The following DPEP2 variants were observed in gnomAD, a reference collection of about 807,000 sequenced individuals.
DPEP2 encodes dipeptidase 2.
DPEP2 carries 45 observed loss-of-function variants against 51.8 expected under a neutral mutation model. The ratio of observed to expected loss-of-function variants is 0.87; its 90% CI spans 0.68 to 1.11. The LOEUF (loss-of-function observed/expected upper bound fraction) is 1.11, where lower values mean the gene tolerates loss of function less well. Among genes scored for constraint, DPEP2 ranks in the 50% most tolerant of loss-of-function variants. The pLI is 0.00. For missense variants in DPEP2, 604 were observed against 631.9 expected (o/e 0.96, Z 0.47); for synonymous variants, 255 against 262.7 (o/e 0.97, Z 0.28).
At chr16:67,994,882 C>A (rs1009625592) in intron 1 of DPEP2, 4 of 985,502 alleles carry the variant, frequency 4.1e-6, no homozygotes, top group Non-Finnish European at 4.8e-6. Flanking sequence ...ACTGTCACGT[C>A]TACTGCTGCC....
rs1204461530 is a variant in DPEP2, at chr16:67,991,448, G to C, written c.663-264C>G. ...GCAGTGGTGCTGTCGTGCCATCTCAGCTCACTGAAACCTGCACCTCCTGGG... is the reference window on the plus strand; with the variant it reads ...GCAGTGGTGCTGTCGTGCCATCTCACCTCACTGAAACCTGCACCTCCTGGG... On this transcript the variant is annotated intron_variant, in intron 5 of 10. Coordinates refer to ENST00000393847, the MANE Select transcript of DPEP2 (RefSeq NM_022355.4). The surrounding 1 kb of genome is among the most constrained non-coding windows in gnomAD (Gnocchi z 5.1). Among the ~76,000 whole-genome samples the C allele has an allele frequency of 2.7e-5, 4 of 150,226 alleles. No homozygotes were observed. Among genetic ancestry groups the C allele is most frequent in the Middle Eastern group, 3.4e-3 (1 of 290 alleles).
rs2031930714 is a variant in DPEP2, at chr16:67,990,058, G to A, written c.983C>T (p.Ser328Phe). The A allele has an allele frequency of 9.9e-6, 16 of 1,614,150 alleles. No homozygotes were observed. Among genetic ancestry groups the A allele is most frequent in the Non-Finnish European group, 1.4e-5 (16 of 1,180,010 alleles). The part of the protein sequence containing the change: ...VIQCNPSANV[S>F]TVADHFDHIK... ...GGAGAGGGAGTTACCTGCCACAGTG[G>A]ACACATTGGCTGATGGGTTGCACTG... The change falls in exon 8 of 11, where the codon TCC becomes TTC. Residue 328 changes from serine to phenylalanine, a missense_variant. By Grantham distance (155) the Ser-to-Phe change is radical (BLOSUM62 -2). Transcript: ENST00000393847.
upstream of DPEP2, chr16:67,999,503 G>A (rs1448797079): frequency 4.1e-6 from 4 of 986,850 alleles, no homozygotes; most frequent in East Asian, 1.1e-4. Flanking sequence ...CCCTGCAAGG[G>A]GGAGGGCACA....
At chr16:67,999,983 G>A (rs541376781), upstream of DPEP2, among the ~76,000 whole-genome samples, 5 of 152,238 alleles carry the variant, frequency 3.3e-5, no homozygotes, top group South Asian at 2.1e-4. Flanking sequence ...GAAATCTACC[G>A]AATTTCTTTC....
chr16:67,996,747 G>A (rs1452097366), intron 1 of DPEP2, among the ~76,000 whole-genome samples: 1 of 151,912 alleles, frequency 6.6e-6, no homozygotes, highest in Non-Finnish European at 1.5e-5. Context: ...GGGACTTGGG[G>A]TACCTGCTAG....
Position 67,993,052 on chromosome 16 carries a change from ATGGTGTGGGCTCTGGGGGCGCCCAGCG to A in DPEP2, c.134_160del (p.Thr45_Thr53del). 2 of 1,580,844 alleles carry A rather than the reference ATGGTGTGGGCTCTGGGGGCGCCCAGCG, an allele frequency of 1.3e-6. No homozygotes were observed. Among genetic ancestry groups the A allele is most frequent in the East Asian group, 2.3e-5 (1 of 43,106 alleles). ...GGTCGAGGGAGCGTAGGTGCCCGGC[ATGGTGTGGGCTCTGGGGGCGCCCAGCG>A]TGGTGAGGGCTCTGGGGGGGCCTGG... is the stretch of plus-strand genomic sequence containing the variant. On this transcript the variant is annotated inframe_deletion, in exon 2 of 11. Coordinates refer to ENST00000393847, the MANE Select transcript of DPEP2 (RefSeq NM_022355.4).
rs2032038264 is a variant in DPEP2, at chr16:67,990,806, T to C, written c.909+15A>G. The C allele has an allele frequency of 2.5e-6, 4 of 1,607,146 alleles. No homozygotes were observed. The South Asian group carries it at 3.3e-5, about 13-fold the overall frequency. ...AACCTCTTGCTTTAGGTTCCTGGGC[T>C]GGGCAGTTTCTCACCAGAAGCTGCA... On this transcript the variant is annotated intron_variant, in intron 7 of 10. Transcript: ENST00000393847.
rs1434981628 is a variant in DPEP2, at chr16:67,992,584, C to T, written c.316G>A (p.Asp106Asn). 5.0e-6 allele frequency: 8 copies of T among 1,614,166 alleles called. No homozygotes were observed. The highest frequency in any genetic ancestry group is 5.9e-6 in the Non-Finnish European group (7 of 1,180,010). ...TAGCTGAAATTGCGCAGGTTAACAT[C>T]CTGTAGCCCTTTCTGGTAAACCTGC... ...LRQVYQKGLQDVNLRNFSYGQ... is the reference protein window; with the variant it reads ...LRQVYQKGLQNVNLRNFSYGQ... Residue 106 changes from aspartate to asparagine, a missense_variant, in exon 3 of 11, where the codon GAT becomes AAT. Transcript: ENST00000393847.
chr16:67,989,233 C>T, intron 9 of DPEP2, 90 bp downstream of exon 9: 1 of 1,411,170 alleles, frequency 7.1e-7, no homozygotes, highest in South Asian at 1.2e-5. Flanking sequence ...GGAGTGTGGT[C>T]AAGGCCTAAA....
rs767211201 is a variant in DPEP2, at chr16:67,990,114, G to A, written c.927C>T (p.Val309=). The change falls in exon 8 of 11, where the codon GTC becomes GTT. Residue 309 remains valine, a synonymous_variant. Transcript: ENST00000393847. The part of the protein sequence containing the change: ...ILQLLKKNGG[V]VMVSLSMGVI... The stretch of plus-strand genomic sequence containing the variant: ...CTCCCATGGACAAAGACACCATCAC[G>A]ACGCCACCGTTCTTCTTCTGCAGGG... The A allele has an allele frequency of 1.2e-5, 19 of 1,613,966 alleles. No homozygotes were observed. Among genetic ancestry groups the A allele is most frequent in the Admixed American group, 5.0e-5 (3 of 59,990 alleles).
intron 1 of DPEP2, 100 bp from the exon 2 acceptor site, chr16:67,993,357 C>A (rs1375087958): frequency 1.5e-6 from 2 of 1,300,712 alleles, no homozygotes; most frequent in Non-Finnish European, 2.0e-6. Context: ...AACGAAGTCA[C>A]AGGGCCCCGC....
intron 9 of DPEP2, 96 bp from the exon 10 acceptor site, chr16:67,988,083 T>A: frequency 6.5e-7 from 1 of 1,531,538 alleles, no homozygotes; most frequent in Non-Finnish European, 8.9e-7. Flanking sequence ...CCTGGTCAGG[T>A]ATGGGAAGTG....
Position 67,988,642 on chromosome 16 carries a change from C to T in DPEP2, c.1071-655G>A, listed in dbSNP as rs1275252656. Among the ~76,000 whole-genome samples the T allele has an allele frequency of 2.7e-5, 4 of 150,510 alleles. No homozygotes were observed. The East Asian group carries it at 7.8e-4, about 29-fold the overall frequency. On this transcript the variant is annotated intron_variant, in intron 9 of 10. Transcript: ENST00000393847. Reference sequence around the variant, plus strand: ...GAAAAGAAAAAAAGAAGAAAAGGCCCAGTGAGGTGGCTTAGGCCTGTAATC... The same window carrying T: ...GAAAAGAAAAAAAGAAGAAAAGGCCTAGTGAGGTGGCTTAGGCCTGTAATC...
intron 1 of DPEP2, chr16:67,993,648 G>C (rs984798563): frequency 2.0e-6 from 2 of 990,216 alleles, no homozygotes; most frequent in East Asian, 1.1e-4. Flanking sequence ...TGCCCTGGGA[G>C]ATCTGCAGAC....
Position 67,991,281 on chromosome 16 carries a change from A to T in DPEP2, c.663-97T>A, listed in dbSNP as rs2032122167. ...CCCTCCATCCCTGCACCCCCCTGAA[A>T]CAAAAACAGGGATCCAAAATGGGCC... On this transcript the variant is annotated intron_variant, in intron 5 of 10. Transcript: ENST00000393847. This position sits in a 1 kb window ranked among gnomAD's most constrained non-coding sequence, Gnocchi z 5.1. 6.3e-6 allele frequency: 8 copies of T among 1,278,156 alleles called. No homozygotes were observed. The highest frequency in any genetic ancestry group is 8.8e-6 in the Non-Finnish European group (8 of 909,532). 79.2% of individuals were successfully genotyped at this position (1,278,156 alleles called of 1,614,324 possible).
chr16:67,993,442 C>T, intron 1 of DPEP2, 185 bp from the exon 2 acceptor site: 1 of 1,254,844 alleles, frequency 8.0e-7, no homozygotes, highest in Non-Finnish European at 1.0e-6. Flanking sequence ...CCGTCATCCC[C>T]AAGGGCGCTC....
Position 67,989,499 on chromosome 16 carries a change from C to A in DPEP2, c.995-101G>T, listed in dbSNP as rs1476652099. 9.5e-6 allele frequency: 12 copies of A among 1,261,080 alleles called. No individual in the cohort carries two copies. In the East Asian group the frequency reaches 2.8e-4, roughly 30 times the overall value. 78.1% of individuals were successfully genotyped at this position (1,261,080 alleles called of 1,614,324 possible). ...GAGTCTCCTTCTTGCAGCCTGTGGG[C>A]CAGGCAGGCTAATTCCTTTATGGCC... is the stretch of plus-strand genomic sequence containing the variant. On this transcript the variant is annotated intron_variant, in intron 8 of 10. Transcript: ENST00000393847.
Position 67,991,721 on chromosome 16 carries a change from C to T in DPEP2, c.662+117G>A. 7.0e-7 allele frequency: 1 copy of T among 1,431,130 alleles called. No individual in the cohort carries two copies. The highest frequency in any genetic ancestry group is 1.4e-5 in the South Asian group (1 of 73,192). 88.7% of individuals were successfully genotyped at this position (1,431,130 alleles called of 1,614,324 possible). On this transcript the variant is annotated intron_variant, in intron 5 of 10. Coordinates refer to ENST00000393847, the MANE Select transcript of DPEP2 (RefSeq NM_022355.4). The surrounding 1 kb of genome is among the most constrained non-coding windows in gnomAD (Gnocchi z 5.1). ...TGAAAACCAGAATCCCAGCTCCCCT[C>T]CCCACTCCAGAGTCAGTGCCACATC...
chr16:67,989,930 C>T (rs989215519), intron 8 of DPEP2, 117 bp downstream of exon 8: 3 of 1,038,920 alleles, frequency 2.9e-6, no homozygotes, highest in Non-Finnish European at 4.4e-6. Flanking sequence ...GACCAATGTG[C>T]TGTGTACTGT....
Sources: allele counts gnomAD v4.1 joint callset (sites outside exome capture counted in the v4.1 genomes callset), GRCh38; gene constraint gnomAD v4.1.1; non-coding constraint Gnocchi (gnomAD v3.1); transcripts MANE v1.5; gene names NCBI Gene and HGNC (gene_info 2026-07-23, HGNC 2026-07-21).